The following RALGAPA2 variants were observed in gnomAD, a reference collection of about 807,000 sequenced individuals.
The protein encoded by RALGAPA2 is ral GTPase-activating protein subunit alpha-2.
A neutral mutation model predicts 230.4 loss-of-function variants in RALGAPA2; 139 were observed. The ratio of observed to expected loss-of-function variants is 0.60; its 90% CI spans 0.53 to 0.69. The LOEUF (loss-of-function observed/expected upper bound fraction) is 0.69. RALGAPA2 is among the 30% of genes least tolerant of loss of function. The pLI is 0.00. For missense variants in RALGAPA2, 2,163 were observed against 2,276.0 expected (o/e 0.95, Z 1.01); for synonymous variants, 847 against 837.8 (o/e 1.01, Z -0.19).
intron 34 of RALGAPA2, among the ~76,000 whole-genome samples, chr20:20,504,528 C>T (rs899534655): frequency 6.6e-6 from 1 of 152,044 alleles, no homozygotes; most frequent in Non-Finnish European, 1.5e-5. Flanking sequence ...TCAAGACCAT[C>T]GTGGCCAACA....
At chr20:20,464,835 G>A (rs1181492910) in intron 37 of RALGAPA2, among the ~76,000 whole-genome samples, 1 of 151,846 alleles carries the variant, frequency 6.6e-6, no homozygotes, top group Non-Finnish European at 1.5e-5. Flanking sequence ...CCAATTTTTC[G>A]GTAAAAATTA....
At chr20:20,494,011 C>T (rs2062135527) in intron 36 of RALGAPA2, among the ~76,000 whole-genome samples, 1 of 152,088 alleles carries the variant, frequency 6.6e-6, no homozygotes, top group African/African-American at 2.4e-5. Context: ...GCATGTTAAA[C>T]TTGGAATTCA....
chr20:20,412,513 G>A (rs1379715693), intron 37 of RALGAPA2, among the ~76,000 whole-genome samples: 1 of 152,088 alleles, frequency 6.6e-6, no homozygotes, highest in Non-Finnish European at 1.5e-5. Context: ...TATTTCAGTG[G>A]ATAAAACATT....
intron 37 of RALGAPA2, among the ~76,000 whole-genome samples, chr20:20,459,820 T>C (rs1291700046): frequency 6.6e-6 from 1 of 152,246 alleles, no homozygotes; most frequent in Non-Finnish European, 1.5e-5. Context: ...ACGTGAATTA[T>C]TTGAAGCAGC....
At chr20:20,481,365 A>G (rs1602498081) in intron 36 of RALGAPA2, among the ~76,000 whole-genome samples, 1 of 152,222 alleles carries the variant, frequency 6.6e-6, no homozygotes, top group Non-Finnish European at 1.5e-5. Context: ...CTCTGTTCCA[A>G]TTCCTCACAG....
intron 28 of RALGAPA2, among the ~76,000 whole-genome samples, chr20:20,525,476 T>G (rs186367731): frequency 1.3e-5 from 2 of 152,356 alleles, no homozygotes; most frequent in Admixed American, 6.5e-5. Flanking sequence ...GAGAACAAAG[T>G]GTTCTTTCCA....
At position 20,558,012 on chromosome 20, in the gene RALGAPA2, A is replaced by AT. The variant is rs1184864368; in HGVS notation, c.3157-11181dup. On this transcript the variant is annotated intron_variant, in intron 23 of 39. Coordinates refer to ENST00000202677, the MANE Select transcript of RALGAPA2 (RefSeq NM_020343.4). Reference sequence around the variant, plus strand: ...ACAGTACTATTTTTTCAATTTTTTTATTTTTTTTTGAGACTAAGTTTCATT... The same window carrying AT: ...ACAGTACTATTTTTTCAATTTTTTTATTTTTTTTTTGAGACTAAGTTTCATT... 1.2e-3 allele frequency among the ~76,000 whole-genome samples: 181 copies of AT among 150,792 alleles called. 3 individuals carry two copies. Among genetic ancestry groups the AT allele is most frequent in the Middle Eastern group, 3.4e-3 (1 of 292 alleles).
intron 23 of RALGAPA2, among the ~76,000 whole-genome samples, chr20:20,559,915 A>G (rs1487086409): frequency 6.6e-6 from 1 of 152,242 alleles, no homozygotes; most frequent in Non-Finnish European, 1.5e-5. Context: ...TAAATTCCAA[A>G]GTTCATAATT....
At chr20:20,487,997 G>A (rs2061956347) in intron 36 of RALGAPA2, among the ~76,000 whole-genome samples, 1 of 151,608 alleles carries the variant, frequency 6.6e-6, no homozygotes, top group African/African-American at 2.4e-5. Flanking sequence ...CTAGGTATAT[G>A]AGGGGGACTG....
In RALGAPA2 at chr20:20,514,939, A is replaced by G. The variant is rs558256741; in HGVS notation, c.4085-1655T>C. On this transcript the variant is annotated intron_variant, in intron 31 of 39. Coordinates refer to ENST00000202677, the MANE Select transcript of RALGAPA2 (RefSeq NM_020343.4). ...GGAGCCAAGGAGATTTCCCAGCTCC[A>G]TGTCTAGGCACACCACTGGGCACCT... is the stretch of plus-strand genomic sequence containing the variant. Among the ~76,000 whole-genome samples, 17 of 152,340 alleles carry G rather than the reference A, an allele frequency of 1.1e-4. No homozygotes were observed. In the South Asian group the frequency reaches 3.3e-3, roughly 30 times the overall value.
chr20:20,527,597 T>TCC (rs1356551149), intron 27 of RALGAPA2, among the ~76,000 whole-genome samples: 16 of 146,594 alleles, frequency 1.1e-4, no homozygotes, highest in East Asian at 4.6e-4. Context: ...CACACCGCCC[T>TCC]CCCCCCACAC....
Position 20,637,307 on chromosome 20 carries a change from G to C in RALGAPA2, c.805+56C>G, listed in dbSNP as rs547798508. On this transcript the variant is annotated intron_variant, in intron 8 of 39. Transcript: ENST00000202677. ...AAAATAATCAAAGGTCACTTTGAAAGAGACTGCATAGCTTTCCTTTGGATA... is the reference window on the plus strand; with the variant it reads ...AAAATAATCAAAGGTCACTTTGAAACAGACTGCATAGCTTTCCTTTGGATA... 3.4e-4 allele frequency: 465 copies of C among 1,375,048 alleles called. 1 individual carries two copies. The highest frequency in any genetic ancestry group is 4.1e-4 in the Non-Finnish European group (422 of 1,033,780). The allele number at this position is 1,375,048 out of a possible 1,614,324, so 85.2% of individuals were successfully genotyped here.
intron 3 of RALGAPA2, among the ~76,000 whole-genome samples, chr20:20,675,861 T>C (rs1357468843): frequency 6.6e-6 from 1 of 152,166 alleles, no homozygotes; most frequent in Admixed American, 6.5e-5. Flanking sequence ...ACATATCAGT[T>C]TATATAACAT....
At chr20:20,643,393 TAA>T in intron 5 of RALGAPA2, 111 bp downstream of exon 5, 1 of 998,466 alleles carries the variant, frequency 1.0e-6, no homozygotes, top group Non-Finnish European at 1.4e-6. Flanking sequence ...AAATTAAAAC[TAA>T]GTCAAGTGGT....
intron 1 of RALGAPA2, among the ~76,000 whole-genome samples, chr20:20,710,575 T>C (rs1197217721): frequency 1.3e-5 from 2 of 152,026 alleles, no homozygotes; most frequent in Non-Finnish European, 2.9e-5. Context: ...CCTAAGGAAA[T>C]ATAAAAGAAC....
intron 1 of RALGAPA2, 26 bp from the exon 2 acceptor site, chr20:20,680,827 G>GAC: frequency 6.5e-7 from 1 of 1,535,476 alleles, no homozygotes; most frequent in Non-Finnish European, 8.7e-7. Flanking sequence ...TTCCATTTAT[G>GAC]ACAATTCACT....
At position 20,503,391 on chromosome 20, in the gene RALGAPA2, G is replaced by A. The variant is rs1459199858; in HGVS notation, c.5168C>T (p.Thr1723Ile). 6.2e-7 allele frequency: 1 copy of A among 1,604,792 alleles called. No homozygotes were observed. The highest frequency in any genetic ancestry group is 8.5e-7 in the Non-Finnish European group (1 of 1,174,164). Residue 1723 changes from threonine (T) to isoleucine (I), a missense_variant, in exon 35 of 40, where the codon ACT (threonine) becomes ATT (isoleucine). Transcript: ENST00000202677. ...STVEVIFHVSTRMPSDSDDSL... is the reference protein window; with the variant it reads ...STVEVIFHVSIRMPSDSDDSL... The stretch of plus-strand genomic sequence containing the variant: ...ATCATCTGAGTCTGACGGCATTCGA[G>A]TGGAAACATGGAAAATCACTTCCAC...
intron 11 of RALGAPA2, among the ~76,000 whole-genome samples, chr20:20,619,704 T>C (rs1207518444): frequency 6.6e-6 from 1 of 152,210 alleles, no homozygotes; most frequent in Non-Finnish European, 1.5e-5. Flanking sequence ...AAATGAATGA[T>C]AATTTGCTTA....
intron 9 of RALGAPA2, among the ~76,000 whole-genome samples, chr20:20,634,850 G>A (rs979217898): frequency 6.6e-6 from 1 of 152,208 alleles, no homozygotes; most frequent in African/African-American, 2.4e-5. Context: ...AAGGCCAAGA[G>A]AGAAAAAGCA....
Sources: gnomAD v4.1 joint callset for allele counts (sites outside exome capture counted in the v4.1 genomes callset) on GRCh38, gnomAD v4.1.1 for gene constraint, MANE v1.5 for transcripts, NCBI Gene and HGNC (gene_info 2026-07-23, HGNC 2026-07-21) for gene names.